The following MACROD2 variants were observed in gnomAD, a reference collection of about 807,000 sequenced individuals.
MACROD2 encodes mono-ADP ribosylhydrolase 2.
In MACROD2, 36 loss-of-function variants were observed where a neutral mutation model predicts 70.4. The ratio of observed to expected loss-of-function variants is 0.51; its 90% CI spans 0.39 to 0.68. The LOEUF (loss-of-function observed/expected upper bound fraction) is 0.68, where lower values mean the gene tolerates loss of function less well. MACROD2 is among the 30% of genes least tolerant of loss of function. The probability of loss-of-function intolerance (pLI) is 0.00; values close to 1 mark genes in which losing one functional copy is unlikely to be tolerated. For missense variants in MACROD2, 496 were observed against 538.4 expected (o/e 0.92, Z 0.78); for synonymous variants, 172 against 178.8 (o/e 0.96, Z 0.30).
At chr20:15,801,449 T>C (rs1408852946) in intron 8 of MACROD2, among the ~76,000 whole-genome samples, 1 of 150,658 alleles carries the variant, frequency 6.6e-6, no homozygotes, top group African/African-American at 2.5e-5. Context: ...CTGAGGAACT[T>C]CCAGAATGCT....
At chr20:15,257,959 G>A (rs971733659) in intron 6 of MACROD2, among the ~76,000 whole-genome samples, 2 of 151,878 alleles carry the variant, frequency 1.3e-5, no homozygotes, top group Non-Finnish European at 2.9e-5. Flanking sequence ...GAGGAAGACA[G>A]TGATATTGAT....
At chr20:15,749,006 G>A (rs933207348) in intron 8 of MACROD2, among the ~76,000 whole-genome samples, 2 of 151,918 alleles carry the variant, frequency 1.3e-5, no homozygotes, top group Non-Finnish European at 2.9e-5. Flanking sequence ...TAAATACAAA[G>A]CATAGCTTTG....
chr20:14,160,093 T>G (rs1278366492), intron 3 of MACROD2, among the ~76,000 whole-genome samples: 1 of 152,186 alleles, frequency 6.6e-6, no homozygotes, highest in African/African-American at 2.4e-5. Context: ...TGTATATTGT[T>G]TTTTTGATGT....
At chr20:15,047,439 T>G (rs184373676) in intron 5 of MACROD2, among the ~76,000 whole-genome samples, 39 of 152,270 alleles carry the variant, frequency 2.6e-4, no homozygotes, top group African/African-American at 9.1e-4. Context: ...TACAGGACAC[T>G]TATGGAATTA....
chr20:14,022,247 C>T (rs752780880), intron 2 of MACROD2, among the ~76,000 whole-genome samples: 1 of 152,124 alleles, frequency 6.6e-6, no homozygotes, highest in Non-Finnish European at 1.5e-5. Flanking sequence ...GCCAATTAAA[C>T]TATTACACAG....
intron 1 of MACROD2, among the ~76,000 whole-genome samples, chr20:14,001,644 C>A (rs773048466): frequency 6.6e-6 from 1 of 151,956 alleles, no homozygotes; most frequent in Admixed American, 6.6e-5. Flanking sequence ...GTTCTGCAGG[C>A]AACACAAGGA....
intron 2 of MACROD2, among the ~76,000 whole-genome samples, chr20:14,035,156 A>C (rs563624906): frequency 2.0e-5 from 3 of 152,186 alleles, no homozygotes; most frequent in Non-Finnish European, 4.4e-5. Flanking sequence ...GTAGATGATA[A>C]AAGCTTCTGC....
At chr20:14,543,390 A>G (rs1048191808) in intron 4 of MACROD2, among the ~76,000 whole-genome samples, 7 of 152,226 alleles carry the variant, frequency 4.6e-5, no homozygotes, top group Admixed American at 2.6e-4. Context: ...GGTCTCTTTA[A>G]GTTTTACATC....
At chr20:15,749,262 C>G (rs767029995) in intron 8 of MACROD2, among the ~76,000 whole-genome samples, 3 of 152,020 alleles carry the variant, frequency 2.0e-5, no homozygotes, top group Non-Finnish European at 4.4e-5. Context: ...CAGACACTTG[C>G]TGGTCTGTTA....
At chr20:15,362,877 A>G (rs1455758940) in intron 6 of MACROD2, among the ~76,000 whole-genome samples, 1 of 151,780 alleles carries the variant, frequency 6.6e-6, no homozygotes, top group East Asian at 1.9e-4. Flanking sequence ...ATTTAAAGCT[A>G]AGGAATCTGA....
intron 2 of MACROD2, among the ~76,000 whole-genome samples, chr20:14,048,695 A>C (rs1235109828): frequency 6.6e-6 from 1 of 152,150 alleles, no homozygotes; most frequent in Non-Finnish European, 1.5e-5. Context: ...GCAAAATGAA[A>C]TGAATTGGAA....
intron 3 of MACROD2, among the ~76,000 whole-genome samples, chr20:14,117,579 T>C (rs994523721): frequency 4.6e-5 from 7 of 152,210 alleles, no homozygotes; most frequent in African/African-American, 1.7e-4. Flanking sequence ...GGCCAGTATA[T>C]TCACAGCATA....
At chr20:14,238,428 A>G (rs538100115) in intron 3 of MACROD2, among the ~76,000 whole-genome samples, 11 of 152,338 alleles carry the variant, frequency 7.2e-5, no homozygotes, top group East Asian at 1.9e-4. Context: ...AGAACTATGT[A>G]TGAAAAACCC....
At chr20:14,871,662 T>C (rs566704165) in intron 5 of MACROD2, among the ~76,000 whole-genome samples, 11 of 152,170 alleles carry the variant, frequency 7.2e-5, no homozygotes, top group African/African-American at 2.6e-4. Flanking sequence ...ATCAAATATA[T>C]ACATGTGAAT....
chr20:15,447,334 T>C (rs1204034574), intron 7 of MACROD2, among the ~76,000 whole-genome samples: 1 of 152,172 alleles, frequency 6.6e-6, no homozygotes, highest in East Asian at 1.9e-4. Flanking sequence ...GCCTGCAGAT[T>C]GGTCGGTGCC....
chr20:14,213,046 G>C (rs190523112), intron 3 of MACROD2, among the ~76,000 whole-genome samples: 1 of 151,790 alleles, frequency 6.6e-6, no homozygotes, highest in African/African-American at 2.4e-5. Context: ...AGAGAAGTGA[G>C]GAACTGAACA....
At chr20:14,372,792 A>G (rs1168304366) in intron 3 of MACROD2, among the ~76,000 whole-genome samples, 1 of 151,968 alleles carries the variant, frequency 6.6e-6, no homozygotes, top group Non-Finnish European at 1.5e-5. Flanking sequence ...CTATCCTTGG[A>G]TTTGTTTTCA....
chr20:14,058,952 A>G (rs2053662515), intron 2 of MACROD2, among the ~76,000 whole-genome samples: 1 of 151,284 alleles, frequency 6.6e-6, no homozygotes, highest in African/African-American at 2.4e-5. Context: ...TGTTTTATTC[A>G]TTTTCATTCA....
At chr20:15,359,312 T>G (rs771867736) in intron 6 of MACROD2, among the ~76,000 whole-genome samples, 6 of 152,060 alleles carry the variant, frequency 3.9e-5, no homozygotes, top group Non-Finnish European at 8.8e-5. Flanking sequence ...AAGAAACTGC[T>G]TACTCAGAAT....
Sources: gnomAD v4.1 joint callset for allele counts (sites outside exome capture counted in the v4.1 genomes callset) on GRCh38, gnomAD v4.1.1 for gene constraint, MANE v1.5 for transcripts, NCBI Gene and HGNC (gene_info 2026-07-23, HGNC 2026-07-21) for gene names.